YME1L1: variants seen among roughly 807,000 people sequenced by gnomAD.
YME1L1 encodes ATP-dependent zinc metalloprotease YME1L1.
In YME1L1, 39 loss-of-function variants were observed where a neutral mutation model predicts 90.4. That is an observed-to-expected ratio of 0.43 (90% CI 0.33 to 0.56). The LOEUF is 0.56. Among genes scored for constraint, YME1L1 ranks in the 20% least tolerant of loss-of-function variants. YME1L1 has a pLI of 0.03. For missense variants in YME1L1, 617 were observed against 868.4 expected, an observed-to-expected ratio of 0.71 and a Z score of 3.64; for synonymous variants, 284 against 287.3, an observed-to-expected ratio of 0.99 and a Z score of 0.12.
chr10:27,123,811 C>T, intron 9 of YME1L1, 112 bp from the exon 10 acceptor site: 5 of 1,093,820 alleles, frequency 4.6e-6, no homozygotes, highest in South Asian at 4.0e-5. Flanking sequence ...TGAGGTCACA[C>T]CAATAACCAA....
At chr10:27,133,517 T>C (rs1399164394) in intron 7 of YME1L1, among the ~76,000 whole-genome samples, 1 of 152,112 alleles carries the variant, frequency 6.6e-6, no homozygotes, top group African/African-American at 2.4e-5. Flanking sequence ...AAATAGTAAT[T>C]CTAGAATGAA....
chr10:27,120,879 C>T (rs775734595), intron 12 of YME1L1, among the ~76,000 whole-genome samples: 1 of 152,144 alleles, frequency 6.6e-6, no homozygotes, highest in Non-Finnish European at 1.5e-5. Flanking sequence ...CTGCTAAGTA[C>T]AGAATGTTAG....
intron 4 of YME1L1, among the ~76,000 whole-genome samples, chr10:27,137,310 G>T (rs2057039324): frequency 6.6e-6 from 1 of 152,166 alleles, no homozygotes; most frequent in African/African-American, 2.4e-5. Flanking sequence ...TTTCAGAACA[G>T]AACAGTGCAT....
intron 3 of YME1L1, among the ~76,000 whole-genome samples, chr10:27,143,279 G>T (rs1209581291): frequency 1.3e-5 from 2 of 152,012 alleles, no homozygotes; most frequent in Non-Finnish European, 2.9e-5. Context: ...TGAGGCAGGA[G>T]AATCACTTGA....
Position 27,134,897 on chromosome 10 carries a change from C to A in YME1L1, c.625G>T (p.Asp209Tyr), listed in dbSNP as rs2057011443. The A allele has an allele frequency of 6.2e-7, 1 of 1,613,952 alleles. No homozygotes were observed. Among genetic ancestry groups the A allele is most frequent in the Non-Finnish European group, 8.5e-7 (1 of 1,180,022 alleles). The change falls in exon 6 of 19, where the codon GAT (aspartate) becomes TAT (tyrosine). Residue 209 changes from aspartate to tyrosine, a missense_variant. Physicochemically the swap from Asp to Tyr is radical, Grantham distance 160 (BLOSUM62 -3). Around this residue, in one of 4 missense-constraint regions of YME1L1, gnomAD observed 311 missense variants for 335.8 expected, o/e 0.93. Coordinates refer to ENST00000376016, the MANE Select transcript of YME1L1 (RefSeq NM_014263.4). Reference sequence around the variant, plus strand: ...TCCGCAAAACCAGTTTTAAATGCATCTTGGTGAGCTTCAGGTATATTTTTG... The same window carrying A: ...TCCGCAAAACCAGTTTTAAATGCATATTGGTGAGCTTCAGGTATATTTTTG... ...KTKNIPEAHQDAFKTGFAEGF... is the reference protein window; with the variant it reads ...KTKNIPEAHQYAFKTGFAEGF...
rs2056866194 is a variant in YME1L1 at position 27,121,399 on chromosome 10, C to T, written c.1285G>A (p.Glu429Lys). 6.2e-7 allele frequency: 1 copy of T among 1,606,442 alleles called. No homozygotes were observed. The highest frequency in any genetic ancestry group is 1.1e-5 in the South Asian group (1 of 90,928). Reference protein sequence around the residue: ...VIIIGATNFPEALDNALIRPG... With the variant: ...VIIIGATNFPKALDNALIRPG... ...TTTAATACTTACTTATCTAATGCCTCTGGGAAGTTTGTGGCTCCTATTATG... is the reference window on the plus strand; with the variant it reads ...TTTAATACTTACTTATCTAATGCCTTTGGGAAGTTTGTGGCTCCTATTATG... Residue 429 changes from glutamate (E) to lysine (K), a missense_variant, in exon 12 of 19, where the codon GAG (glutamate) becomes AAG (lysine). Glu to Lys is a moderately conservative substitution (Grantham distance 56). Coordinates refer to ENST00000376016, the MANE Select transcript of YME1L1 (RefSeq NM_014263.4).
intron 10 of YME1L1, among the ~76,000 whole-genome samples, 179 bp from the exon 11 acceptor site, chr10:27,123,152 C>G (rs746686024): frequency 1.3e-5 from 2 of 152,094 alleles, no homozygotes; most frequent in Non-Finnish European, 2.9e-5. Context: ...AAAAACTATA[C>G]CAAAGAAATG....
intron 4 of YME1L1, 92 bp downstream of exon 4, chr10:27,142,295 G>C (rs1335781458): frequency 8.4e-6 from 6 of 717,118 alleles, no homozygotes; most frequent in Middle Eastern, 2.9e-4. Flanking sequence ...AATTGCAAAT[G>C]AATGTTTAGA....
intron 2 of YME1L1, among the ~76,000 whole-genome samples, chr10:27,147,954 C>T (rs1299488739): frequency 1.3e-5 from 2 of 152,130 alleles, no homozygotes; most frequent in African/African-American, 4.8e-5. Context: ...GACATCACAG[C>T]AACTTTTCTA....
At chr10:27,147,223 T>C (rs2057153247) in intron 2 of YME1L1, 2 of 605,472 alleles carry the variant, frequency 3.3e-6, no homozygotes, top group Non-Finnish European at 5.8e-6. Flanking sequence ...CCTAGCATGG[T>C]GGCTCGAGCC....
At position 27,116,132 on chromosome 10, in the gene YME1L1, A is replaced by C; in HGVS notation, c.1848T>G (p.Gly616=). ...TGGCATTATCAAAATCACTGGAAGC[A>C]CCTAAAATAAAATAAAAACATACCA... is the stretch of plus-strand genomic sequence containing the variant. ...LIFGTDHITT[G]ASSDFDNATK... Residue 616 remains glycine, a splice_region_variant and synonymous_variant, in exon 17 of 19, where the codon GGT becomes GGG. Coordinates refer to ENST00000376016, the MANE Select transcript of YME1L1 (RefSeq NM_014263.4). The C allele has an allele frequency of 6.2e-7, 1 of 1,613,828 alleles. No homozygotes were observed. The highest frequency in any genetic ancestry group is 8.5e-7 in the Non-Finnish European group (1 of 1,179,902).
At chr10:27,153,047 T>A (rs12251155) in intron 1 of YME1L1, among the ~76,000 whole-genome samples, 12 of 152,326 alleles carry the variant, frequency 7.9e-5, no homozygotes, top group African/African-American at 2.9e-4. Flanking sequence ...TTAACTACTA[T>A]GTTCTAGCCA....
chr10:27,114,383 A>C, intron 18 of YME1L1, 138 bp downstream of exon 18: 1 of 622,086 alleles, frequency 1.6e-6, no homozygotes, highest in Non-Finnish European at 2.7e-6. Flanking sequence ...TTCCCCAGAC[A>C]CCATGGTGAC....
intron 18 of YME1L1, among the ~76,000 whole-genome samples, chr10:27,113,542 C>T (rs916295615): frequency 1.5e-4 from 22 of 150,578 alleles, no homozygotes; most frequent in African/African-American, 4.1e-4. Context: ...CATGGTGGCA[C>T]GCGCCTGTAA....
chr10:27,153,805 G>T (rs1242204405), intron 1 of YME1L1, among the ~76,000 whole-genome samples: 1 of 152,058 alleles, frequency 6.6e-6, no homozygotes, highest in Non-Finnish European at 1.5e-5. Context: ...CTGGAAAGTC[G>T]GAAAAAAGGG....
intron 6 of YME1L1, among the ~76,000 whole-genome samples, 173 bp downstream of exon 6, chr10:27,134,658 C>A (rs931948381): frequency 1.3e-5 from 2 of 152,216 alleles, no homozygotes; most frequent in African/African-American, 4.8e-5. Flanking sequence ...TGTTTTCTCT[C>A]TTGAGAAAGG....
intron 8 of YME1L1, among the ~76,000 whole-genome samples, chr10:27,129,930 C>G (rs1323171658): frequency 1.3e-5 from 2 of 152,156 alleles, no homozygotes; most frequent in African/African-American, 2.4e-5. Flanking sequence ...CACAACCCCC[C>G]ACCTAACAGT....
intron 4 of YME1L1, among the ~76,000 whole-genome samples, chr10:27,141,649 G>C (rs12354934): frequency 0.01 from 1,213 of 119,914 alleles, 19 homozygotes; most frequent in South Asian, 0.025. Flanking sequence ...CACACACACA[G>C]ACGTCTTATT....
intron 2 of YME1L1, chr10:27,147,274 G>A: frequency 1.4e-6 from 1 of 710,480 alleles, no homozygotes; most frequent in Non-Finnish European, 2.3e-6. Flanking sequence ...TGGGAGGACT[G>A]CTTCAGGCCA....
Sources: allele counts gnomAD v4.1 joint callset (sites outside exome capture counted in the v4.1 genomes callset), GRCh38; gene constraint gnomAD v4.1.1; regional missense constraint gnomAD v4.1.1; transcripts MANE v1.5; gene names NCBI Gene and HGNC (gene_info 2026-07-23, HGNC 2026-07-21).